Variants in RORA observed in about 807,000 individuals in gnomAD.
RORA encodes the protein RAR related orphan receptor A.
RORA carries 7 observed loss-of-function variants against 69.5 expected under a neutral mutation model. The ratio of observed to expected loss-of-function variants is 0.10; its 90% confidence interval spans 0.06 to 0.19. RORA has a LOEUF of 0.19. Among genes scored for constraint, RORA ranks in the 10% least tolerant of loss-of-function variants. RORA has a pLI of 1.00. For missense variants in RORA, 457 were observed against 663.0 expected, an observed-to-expected ratio of 0.69 and a Z score of 3.41; for synonymous variants, 261 against 240.8, an observed-to-expected ratio of 1.08 and a Z score of -0.78.
intron 1 of RORA, among the ~76,000 whole-genome samples, chr15:60,784,402 T>C (rs1253097650): frequency 1.3e-5 from 2 of 152,198 alleles, no homozygotes; most frequent in Non-Finnish European, 2.9e-5. Flanking sequence ...ATTGGGTCAC[T>C]CCAAACTGTG....
chr15:60,716,299 C>T lies in RORA; in HGVS notation c.167-37613G>A, dbSNP rs536394409. Among the ~76,000 whole-genome samples the T allele has an allele frequency of 1.3e-4, 20 of 152,288 alleles. No homozygotes were observed. The East Asian group carries it at 3.1e-3, about 24-fold the overall frequency. On this transcript the variant is annotated intron_variant, in intron 1 of 10. Coordinates refer to ENST00000335670, the MANE Select transcript of RORA (RefSeq NM_134261.3). ...AGACTTCTGTGAGGTGCCATATTCC[C>T]TGTGAATCTTCCCCTCCTTCAGAGA... is the stretch of plus-strand genomic sequence containing the variant.
rs538995106 is a variant in RORA at position 60,969,200 on chromosome 15, T to C, written c.166+259853A>G. On this transcript the variant is annotated intron_variant, in intron 1 of 10. Coordinates refer to ENST00000335670, the MANE Select transcript of RORA (RefSeq NM_134261.3). Reference sequence around the variant, plus strand: ...GACTGTCAAGCTTCTCCACTGTAAATGTACTCATTTTCCTTTTGTAATTAA... The same window carrying C: ...GACTGTCAAGCTTCTCCACTGTAAACGTACTCATTTTCCTTTTGTAATTAA... Among the ~76,000 whole-genome samples the C allele has an allele frequency of 1.4e-4, 21 of 152,372 alleles. No individual in the cohort carries two copies. The East Asian group carries it at 4.0e-3, about 29-fold the overall frequency.
intron 1 of RORA, among the ~76,000 whole-genome samples, chr15:60,979,729 T>C (rs1316342797): frequency 1.7e-5 from 1 of 58,996 alleles, no homozygotes; most frequent in African/African-American, 4.0e-5. Context: ...TGTGTGTATG[T>C]ATGTGTGTGT....
intron 1 of RORA, among the ~76,000 whole-genome samples, chr15:60,853,528 A>C (rs567699667): frequency 1.3e-5 from 2 of 152,256 alleles, no homozygotes; most frequent in Non-Finnish European, 2.9e-5. Context: ...TGGCTATACC[A>C]CTGCCAACAA....
chr15:61,015,554 C>A (rs1595879275), intron 1 of RORA, among the ~76,000 whole-genome samples: 1 of 152,198 alleles, frequency 6.6e-6, no homozygotes. Context: ...TATACTAGTT[C>A]ATATTTATTG....
At chr15:60,810,927 G>C (rs750217027) in intron 1 of RORA, among the ~76,000 whole-genome samples, 1 of 152,146 alleles carries the variant, frequency 6.6e-6, no homozygotes, top group Non-Finnish European at 1.5e-5. Context: ...CCATTTCCTT[G>C]GGGAGCCACA....
At chr15:60,896,732 C>CTTTTTTTTT (rs66780614) in intron 1 of RORA, among the ~76,000 whole-genome samples, 2 of 117,170 alleles carry the variant, frequency 1.7e-5, no homozygotes, top group Non-Finnish European at 3.8e-5. Context: ...GAGAATTTAG[C>CTTTTTTTTT]TTTTTTTTTT....
At chr15:60,565,843 C>A (rs188466718) in intron 2 of RORA, among the ~76,000 whole-genome samples, 22 of 152,290 alleles carry the variant, frequency 1.4e-4, no homozygotes, top group Admixed American at 1.4e-3. Context: ...AATGAATAGT[C>A]CTTGGATGCA....
chr15:60,720,240 C>A (rs1263349970), intron 1 of RORA, among the ~76,000 whole-genome samples: 4 of 152,180 alleles, frequency 2.6e-5, no homozygotes, highest in East Asian at 1.9e-4. Flanking sequence ...GCCTAACACA[C>A]CTGAATACAT....
At chr15:60,982,423 G>T (rs1422424534) in intron 1 of RORA, among the ~76,000 whole-genome samples, 2 of 152,118 alleles carry the variant, frequency 1.3e-5, no homozygotes, top group African/African-American at 4.8e-5. Context: ...CTAGTCTATT[G>T]TTTCCCCCAA....
intron 1 of RORA, among the ~76,000 whole-genome samples, chr15:60,751,372 T>C (rs888798910): frequency 6.6e-6 from 1 of 152,232 alleles, no homozygotes; most frequent in Non-Finnish European, 1.5e-5. Context: ...AGTATCATTA[T>C]TATTTAATTA....
chr15:60,917,197 TTTTC>T (rs1891900368), intron 1 of RORA, among the ~76,000 whole-genome samples: 3 of 152,232 alleles, frequency 2.0e-5, no homozygotes, highest in African/African-American at 7.2e-5. Flanking sequence ...ATGTCATGCA[TTTTC>T]AATCCAATTT....
chr15:61,027,022 T>C (rs998752873), intron 1 of RORA, among the ~76,000 whole-genome samples: 7 of 150,646 alleles, frequency 4.6e-5, no homozygotes, highest in African/African-American at 1.7e-4. Context: ...AAAAAAAAGC[T>C]GTTGAATTTC....
chr15:60,650,627 A>G (rs990602060), intron 2 of RORA: 7 of 152,192 alleles, frequency 4.6e-5, no homozygotes, highest in African/African-American at 1.7e-4. Context: ...TTCCTGCGGG[A>G]TGAAACCAGG....
Position 60,611,559 on chromosome 15 carries a change from C to CAAAAAAAAAAAAAAAA in RORA, c.196+67082_196+67097dup. ...TTACCTCAAACAATCTTGAGTTTTGCAAAAAAAAAAAAAAAAAAAAAAAAA... is the reference window on the plus strand; with the variant it reads ...TTACCTCAAACAATCTTGAGTTTTGCAAAAAAAAAAAAAAAAAAAAAAAAAAAAAAAAAAAAAAAAA... On this transcript the variant is annotated intron_variant, in intron 2 of 10. Transcript: ENST00000335670. Among the ~76,000 whole-genome samples the CAAAAAAAAAAAAAAAA allele has an allele frequency of 4.9e-3, 177 of 35,814 alleles. 72 individuals carry two copies. Among genetic ancestry groups the CAAAAAAAAAAAAAAAA allele is most frequent in the African/African-American group, 6.0e-3 (53 of 8,776 alleles). The allele number at this position is 35,814 out of a possible 152,430, so 23.5% of individuals were successfully genotyped here. A position where few individuals can be genotyped will look rare whatever the true frequency, so the allele number is the denominator to read the frequency against.
intron 1 of RORA, among the ~76,000 whole-genome samples, chr15:60,721,688 C>G (rs530396172): frequency 2.5e-4 from 38 of 152,326 alleles, no homozygotes; most frequent in African/African-American, 8.9e-4. Flanking sequence ...ATACACAAGG[C>G]TATTTTGCAC....
At chr15:61,083,467 T>C (rs2078576042) in intron 1 of RORA, among the ~76,000 whole-genome samples, 1 of 152,088 alleles carries the variant, frequency 6.6e-6, no homozygotes, top group African/African-American at 2.4e-5. Context: ...AATTCCTTAG[T>C]CCCTCTGAAT....
intron 1 of RORA, among the ~76,000 whole-genome samples, chr15:61,069,608 AC>A (rs375095115): frequency 2.1e-4 from 32 of 152,128 alleles, no homozygotes; most frequent in African/African-American, 7.7e-4. Context: ...CATTCCCAAA[AC>A]CCCACGGACC....
intron 1 of RORA, among the ~76,000 whole-genome samples, chr15:60,832,477 C>A (rs1484644800): frequency 6.6e-6 from 1 of 152,154 alleles, no homozygotes; most frequent in African/African-American, 2.4e-5. Context: ...CCAAGAAAGA[C>A]AGGAGAAGCC....
Sources: gnomAD v4.1 joint callset for allele counts (sites outside exome capture counted in the v4.1 genomes callset) on GRCh38, gnomAD v4.1.1 for gene constraint, MANE v1.5 for transcripts, NCBI Gene and HGNC (gene_info 2026-07-23, HGNC 2026-07-21) for gene names.